TPST1: variants seen among roughly 807,000 people sequenced by gnomAD.
The protein encoded by TPST1 is tyrosylprotein sulfotransferase 1, also known as protein-tyrosine sulfotransferase 1.
A neutral mutation model predicts 34.8 loss-of-function variants in TPST1; 20 were observed. The ratio of observed to expected loss-of-function variants is 0.57; its 90% CI spans 0.40 to 0.84. The LOEUF (loss-of-function observed/expected upper bound fraction) is 0.84, where lower values mean the gene tolerates loss of function less well. Among genes scored for constraint, TPST1 ranks in the 40% least tolerant of loss-of-function variants. The pLI is 0.00. For missense variants in TPST1, 353 were observed against 455.5 expected (o/e 0.78, Z 2.05); for synonymous variants, 152 against 159.4 (o/e 0.95, Z 0.35).
chr7:66,228,074 T>A (rs1419780576), intron 1 of TPST1, among the ~76,000 whole-genome samples: 1 of 152,178 alleles, frequency 6.6e-6, no homozygotes, highest in Admixed American at 6.5e-5. Context: ...ATTTCCAGGT[T>A]TAGTTTTTGT....
At chr7:66,279,458 A>C (rs1790888777) in intron 2 of TPST1, among the ~76,000 whole-genome samples, 1 of 152,202 alleles carries the variant, frequency 6.6e-6, no homozygotes, top group Non-Finnish European at 1.5e-5. Context: ...TAAGGGGGTT[A>C]CTGGGTCTAA....
At chr7:66,340,592 C>T (rs1260833536) in intron 3 of TPST1, among the ~76,000 whole-genome samples, 1 of 152,102 alleles carries the variant, frequency 6.6e-6, no homozygotes, top group Non-Finnish European at 1.5e-5. Context: ...TTCTATACAT[C>T]AACAGCAAGC....
At chr7:66,299,353 A>G (rs1791267487) in intron 3 of TPST1, among the ~76,000 whole-genome samples, 2 of 141,250 alleles carry the variant, frequency 1.4e-5, no homozygotes, top group Non-Finnish European at 3.1e-5. Flanking sequence ...TTAATTTGAG[A>G]ATATTTTGCT....
intron 3 of TPST1, among the ~76,000 whole-genome samples, chr7:66,305,081 C>T (rs113922604): frequency 2.6e-5 from 4 of 152,114 alleles, no homozygotes; most frequent in South Asian, 2.1e-4. Flanking sequence ...AGCCTCTCAA[C>T]GTGTTAGGAT....
chr7:66,202,760 T>C (rs1398910227), upstream of TPST1, among the ~76,000 whole-genome samples: 2 of 152,052 alleles, frequency 1.3e-5, no homozygotes, highest in Non-Finnish European at 2.9e-5. Flanking sequence ...TTGGGCAACA[T>C]AGTGAGACCC....
intron 3 of TPST1, among the ~76,000 whole-genome samples, chr7:66,344,784 T>G (rs6460291): frequency 0.6 from 88,417 of 148,366 alleles, 26,587 homozygotes; most frequent in African/African-American, 0.68. Flanking sequence ...AGTACAGTGG[T>G]GCAATCTCGG....
At chr7:66,349,522 A>G (rs930249092) in intron 3 of TPST1, among the ~76,000 whole-genome samples, 1 of 152,174 alleles carries the variant, frequency 6.6e-6, no homozygotes, top group African/African-American at 2.4e-5. Context: ...TGGTGAGCCA[A>G]GATTGCGCCA....
intron 1 of TPST1, among the ~76,000 whole-genome samples, chr7:66,225,382 C>A (rs1272213148): frequency 6.6e-6 from 1 of 151,588 alleles, no homozygotes; most frequent in Admixed American, 6.6e-5. Context: ...GAGGCTGAGG[C>A]GGGCGGATCA....
At chr7:66,279,042 G>A (rs1790880106) in intron 2 of TPST1, among the ~76,000 whole-genome samples, 2 of 152,056 alleles carry the variant, frequency 1.3e-5, no homozygotes, top group Non-Finnish European at 1.5e-5. Flanking sequence ...CAGGTAATAA[G>A]CATAGTACTC....
chr7:66,331,261 A>G (rs1337516312), intron 3 of TPST1, among the ~76,000 whole-genome samples: 7 of 152,228 alleles, frequency 4.6e-5, no homozygotes, highest in Non-Finnish European at 1.0e-4. Context: ...ACTTAATCTC[A>G]GAAGTAACAT....
chr7:66,312,913 A>T (rs769019638), intron 3 of TPST1, among the ~76,000 whole-genome samples: 3 of 152,174 alleles, frequency 2.0e-5, no homozygotes, highest in Non-Finnish European at 4.4e-5. Flanking sequence ...AAAAGCATGG[A>T]TCAAATGTGT....
At chr7:66,280,525 C>T (rs1397576503) in intron 2 of TPST1, among the ~76,000 whole-genome samples, 4 of 152,134 alleles carry the variant, frequency 2.6e-5, no homozygotes, top group Non-Finnish European at 5.9e-5. Context: ...TGGGCAGAGA[C>T]TGTGGGGTTT....
chr7:66,357,889 G>T (rs532501770), intron 5 of TPST1, among the ~76,000 whole-genome samples: 17 of 152,274 alleles, frequency 1.1e-4, no homozygotes, highest in East Asian at 3.9e-4. Flanking sequence ...TTCGAGACCA[G>T]CCTGGCCAAC....
chr7:66,248,732 CT>C (rs1236379915), intron 2 of TPST1, among the ~76,000 whole-genome samples: 2 of 151,980 alleles, frequency 1.3e-5, no homozygotes, highest in African/African-American at 2.4e-5. Flanking sequence ...CCAGGATGGC[CT>C]TGATCTCCTG....
intron 2 of TPST1, among the ~76,000 whole-genome samples, chr7:66,268,420 TACTC>T (rs1410678777): frequency 6.6e-6 from 1 of 152,208 alleles, no homozygotes; most frequent in East Asian, 1.9e-4. Context: ...TGATGTGTCT[TACTC>T]AGTGGCAAAG....
At chr7:66,358,776 C>T (rs1562859413) in intron 5 of TPST1, among the ~76,000 whole-genome samples, 1 of 152,180 alleles carries the variant, frequency 6.6e-6, no homozygotes, top group Non-Finnish European at 1.5e-5. Context: ...TTTGTTTATA[C>T]AAAATGCTTT....
At chr7:66,316,149 T>A (rs549023127) in intron 3 of TPST1, among the ~76,000 whole-genome samples, 3 of 152,304 alleles carry the variant, frequency 2.0e-5, no homozygotes, top group African/African-American at 7.2e-5. Context: ...TGCGTAATTT[T>A]AAAAATAATA....
intron 3 of TPST1, among the ~76,000 whole-genome samples, chr7:66,296,852 A>G (rs1791212495): frequency 6.6e-6 from 1 of 152,134 alleles, no homozygotes; most frequent in Non-Finnish European, 1.5e-5. Flanking sequence ...CTGTCCCACC[A>G]TAGTCTCTAA....
rs73146637 is a variant in TPST1, at chr7:66,322,092, T to C, written c.1045-30413T>C. 1.9e-3 allele frequency among the ~76,000 whole-genome samples: 282 copies of C among 152,372 alleles called. 1 individual carries two copies. The highest frequency in any genetic ancestry group is 3.4e-3 in the Non-Finnish European group (232 of 68,032). ...TTAATGTCTAATTTTGTGATCTTTT[T>C]CTTTACTGCTTTTGGCATACCATTT... On this transcript the variant is annotated intron_variant, in intron 3 of 5. Coordinates refer to ENST00000304842, the MANE Select transcript of TPST1 (RefSeq NM_003596.4).
Sources: gnomAD v4.1 joint callset for allele counts (sites outside exome capture counted in the v4.1 genomes callset) on GRCh38, gnomAD v4.1.1 for gene constraint, MANE v1.5 for transcripts, NCBI Gene and HGNC (gene_info 2026-07-23, HGNC 2026-07-21) for gene names.